C1QTNF3: variants seen among roughly 807,000 people sequenced by gnomAD.
C1QTNF3 encodes the protein C1q and TNF related 3.
In C1QTNF3, 26 loss-of-function variants were observed where a neutral mutation model predicts 32.6. The ratio of observed to expected loss-of-function variants is 0.80; its 90% CI spans 0.58 to 1.11. C1QTNF3 has a LOEUF of 1.11. Among genes scored for constraint, C1QTNF3 ranks in the 50% least tolerant of loss-of-function variants. The pLI is 0.00. For missense variants in C1QTNF3, 362 were observed against 398.2 expected (o/e 0.91, Z 0.77); for synonymous variants, 155 against 146.0 (o/e 1.06, Z -0.44).
At chr5:34,205,239 G>C in the C1QTNF3 span, among the ~76,000 whole-genome samples, 1 of 152,050 alleles carries the variant, frequency 6.6e-6, no homozygotes, top group Non-Finnish European at 1.5e-5. Flanking sequence ...TTGGAGTGGG[G>C]GTTTAGAGAT....
chr5:34,234,313 C>G, the C1QTNF3 span, among the ~76,000 whole-genome samples: 1 of 152,086 alleles, frequency 6.6e-6, no homozygotes, highest in Non-Finnish European at 1.5e-5. Flanking sequence ...AAAAATAATT[C>G]AAGTTAATGA....
chr5:34,029,703 A>C (rs375138726), intron 3 of C1QTNF3, among the ~76,000 whole-genome samples: 2 of 152,306 alleles, frequency 1.3e-5, no homozygotes, highest in East Asian at 1.9e-4. Flanking sequence ...TAGAAGTTTC[A>C]TGGGAAAGTT....
the C1QTNF3 span, among the ~76,000 whole-genome samples, chr5:34,174,177 C>G: frequency 5.3e-5 from 8 of 152,232 alleles, no homozygotes; most frequent in Non-Finnish European, 1.0e-4. Flanking sequence ...CATGCCTCAG[C>G]CTCCTGAGTA....
intron 4 of C1QTNF3, among the ~76,000 whole-genome samples, chr5:34,027,146 A>G (rs1025465856): frequency 1.3e-5 from 2 of 152,238 alleles, no homozygotes; most frequent in African/African-American, 2.4e-5. Flanking sequence ...TAACTCTCCT[A>G]TAAGTCTAAA....
chr5:34,132,021 G>A, the C1QTNF3 span, among the ~76,000 whole-genome samples: 1 of 152,010 alleles, frequency 6.6e-6, no homozygotes, highest in Non-Finnish European at 1.5e-5. Flanking sequence ...AAAATAGAGG[G>A]TAAATATAGA....
At chr5:34,055,155 C>T in the C1QTNF3 span, among the ~76,000 whole-genome samples, 143,275 of 152,262 alleles carry the variant, frequency 0.94, 68,051 homozygotes, top group East Asian at 1. Context: ...AGACCTTACA[C>T]CCTCCTGGAC....
chr5:34,058,001 C>T, the C1QTNF3 span, among the ~76,000 whole-genome samples: 1 of 152,210 alleles, frequency 6.6e-6, no homozygotes, highest in Non-Finnish European at 1.5e-5. Flanking sequence ...CTTCACTCGA[C>T]TCCTGGACCA....
chr5:34,141,085 A>G, the C1QTNF3 span, among the ~76,000 whole-genome samples: 1 of 152,080 alleles, frequency 6.6e-6, no homozygotes, highest in African/African-American at 2.4e-5. Flanking sequence ...TCTAGAGGAT[A>G]GAAGTCTAAG....
At chr5:34,100,094 G>T in the C1QTNF3 span, among the ~76,000 whole-genome samples, 15 of 151,528 alleles carry the variant, frequency 9.9e-5, 1 homozygote, top group Admixed American at 4.6e-4. Context: ...TCCAACCACC[G>T]ACAGGTTCAG....
the C1QTNF3 span, among the ~76,000 whole-genome samples, chr5:34,123,562 T>C: frequency 6.6e-6 from 1 of 151,758 alleles, no homozygotes; most frequent in African/African-American, 2.4e-5. Context: ...ATCTATATTC[T>C]CTTCATGTTG....
the C1QTNF3 span, among the ~76,000 whole-genome samples, chr5:34,054,492 T>A: frequency 6.6e-6 from 1 of 152,202 alleles, no homozygotes; most frequent in Non-Finnish European, 1.5e-5. Context: ...CAAGCTGCCA[T>A]GAACAGTTCA....
At chr5:34,102,654 GA>G in the C1QTNF3 span, among the ~76,000 whole-genome samples, 62 of 147,556 alleles carry the variant, frequency 4.2e-4, no homozygotes, top group African/African-American at 1.5e-3. Flanking sequence ...TTACCCTTAG[GA>G]AAAAATGCCC....
At chr5:34,033,868 A>G (rs1754674462) in intron 2 of C1QTNF3, among the ~76,000 whole-genome samples, 1 of 152,256 alleles carries the variant, frequency 6.6e-6, no homozygotes, top group African/African-American at 2.4e-5. Context: ...TTTAGATTTT[A>G]AAGTTATAAG....
chr5:34,175,772 T>A, the C1QTNF3 span: 2 of 664,984 alleles, frequency 3.0e-6, no homozygotes, highest in South Asian at 1.8e-5. Flanking sequence ...CAAGGCAACC[T>A]GAAAAAATGA....
chr5:34,166,156 C>G, the C1QTNF3 span: 3 of 151,578 alleles, frequency 2.0e-5, no homozygotes, highest in East Asian at 5.8e-4. Context: ...CTTATTTCTT[C>G]TCAAGATCTC....
chr5:34,063,175 G>C, the C1QTNF3 span, among the ~76,000 whole-genome samples: 7 of 152,102 alleles, frequency 4.6e-5, no homozygotes, highest in Non-Finnish European at 8.8e-5. Flanking sequence ...GATTTTAAAG[G>C]AATGGGGTAC....
In C1QTNF3 at chr5:34,040,472, A is replaced by G. The variant is rs556055270; in HGVS notation, c.303+2351T>C. 5.3e-5 allele frequency among the ~76,000 whole-genome samples: 8 copies of G among 152,134 alleles called. No individual in the cohort carries two copies. In the East Asian group the frequency reaches 1.5e-3, roughly 29 times the overall value. On this transcript the variant is annotated intron_variant, in intron 1 of 5. Coordinates refer to ENST00000382065, the MANE Select transcript of C1QTNF3 (RefSeq NM_181435.6). ...TGGGTATCCGGGAGAAGGAGGGGAG[A>G]TTGACAAAGGTGAATGAAAAAGAGG...
At chr5:34,176,428 A>AAAAC in the C1QTNF3 span, among the ~76,000 whole-genome samples, 1 of 150,024 alleles carries the variant, frequency 6.7e-6, no homozygotes, top group Non-Finnish European at 1.5e-5. Context: ...ACAAAAAAAA[A>AAAAC]AGCCAAGGAA....
chr5:34,128,949 C>A, the C1QTNF3 span, among the ~76,000 whole-genome samples: 1 of 152,240 alleles, frequency 6.6e-6, no homozygotes, highest in East Asian at 1.9e-4. Context: ...AGGGGCAGAA[C>A]AATATGGTTT....
Sources: gnomAD v4.1 joint callset for allele counts (sites outside exome capture counted in the v4.1 genomes callset) on GRCh38, gnomAD v4.1.1 for gene constraint, MANE v1.5 for transcripts, NCBI Gene and HGNC (gene_info 2026-07-23, HGNC 2026-07-21) for gene names.